The following NRXN3 variants were observed in gnomAD, a reference collection of about 807,000 sequenced individuals.
The protein encoded by NRXN3 is neurexin 3, also known as neurexin III.
Under a neutral mutation model 137.6 loss-of-function variants are expected in NRXN3, and 32 were observed. The ratio of observed to expected loss-of-function variants is 0.23; its 90% CI spans 0.18 to 0.31. NRXN3 has a LOEUF of 0.31. Among genes scored for constraint, NRXN3 ranks in the 10% least tolerant of loss-of-function variants. The probability of loss-of-function intolerance (pLI) is 1.00; values close to 1 mark genes in which losing one functional copy is unlikely to be tolerated. For missense variants in NRXN3, 1,574 were observed against 2,062.5 expected (o/e 0.76, Z 4.59); for synonymous variants, 798 against 784.5 (o/e 1.02, Z -0.29).
intron 4 of NRXN3, among the ~76,000 whole-genome samples, chr14:78,567,422 G>A (rs897572363): frequency 6.6e-6 from 1 of 152,192 alleles, no homozygotes; most frequent in Non-Finnish European, 1.5e-5. Flanking sequence ...TGGCTGTGGG[G>A]TCGCCCTGCT....
At chr14:78,197,913 G>C (rs1363959366) in intron 1 of NRXN3, among the ~76,000 whole-genome samples, 2 of 152,132 alleles carry the variant, frequency 1.3e-5, no homozygotes, top group Non-Finnish European at 2.9e-5. Flanking sequence ...CCTTGATTGA[G>C]TCCTGCCTGT....
intron 17 of NRXN3, among the ~76,000 whole-genome samples, chr14:79,664,504 C>G (rs1011198598): frequency 6.6e-6 from 1 of 152,110 alleles, no homozygotes; most frequent in African/African-American, 2.4e-5. Flanking sequence ...CTAAGCCTGC[C>G]TGGATATTCA....
At chr14:78,484,721 G>A (rs1342434596) in intron 4 of NRXN3, among the ~76,000 whole-genome samples, 1 of 152,184 alleles carries the variant, frequency 6.6e-6, no homozygotes. Flanking sequence ...AAGCATACCA[G>A]TGATCTGGTG....
chr14:79,207,969 G>A (rs575589704), intron 15 of NRXN3, among the ~76,000 whole-genome samples: 2 of 152,136 alleles, frequency 1.3e-5, no homozygotes, highest in African/African-American at 2.4e-5. Context: ...AGTAGGTAAC[G>A]TTATTATTCC....
chr14:79,616,140 T>C (rs551615210), intron 16 of NRXN3, among the ~76,000 whole-genome samples: 1 of 152,208 alleles, frequency 6.6e-6, no homozygotes, highest in South Asian at 2.1e-4. Context: ...CAGATTTGCA[T>C]TTTAGAAATA....
rs143836337 is a variant in NRXN3, at chr14:79,337,850, G to T, written c.3263-129371G>T. Among the ~76,000 whole-genome samples the T allele has an allele frequency of 2.6e-4, 40 of 152,180 alleles. 1 individual carries two copies. The East Asian group carries it at 5.0e-3, about 19-fold the overall frequency. Reference sequence around the variant, plus strand: ...GTCAGGTTTTTCATACCGTATTACTGGTTTGTTATGTGTCTTTAAATAAAT... The same window carrying T: ...GTCAGGTTTTTCATACCGTATTACTTGTTTGTTATGTGTCTTTAAATAAAT... On this transcript the variant is annotated intron_variant, in intron 15 of 20. Coordinates refer to ENST00000335750, the MANE Select transcript of NRXN3 (RefSeq NM_001330195.2).
chr14:78,292,877 G>T (rs944963853), intron 3 of NRXN3, among the ~76,000 whole-genome samples: 3 of 152,114 alleles, frequency 2.0e-5, no homozygotes, highest in African/African-American at 7.2e-5. Context: ...TTGTCCTAGG[G>T]CTGGCAGTGT....
intron 10 of NRXN3, among the ~76,000 whole-genome samples, chr14:78,834,482 A>T (rs182789620): frequency 6.6e-6 from 1 of 152,260 alleles, no homozygotes; most frequent in East Asian, 1.9e-4. Flanking sequence ...CTGAAGCAAA[A>T]AGTTGCATTA....
At chr14:79,116,283 A>G (rs1219103300) in intron 15 of NRXN3, among the ~76,000 whole-genome samples, 2 of 152,168 alleles carry the variant, frequency 1.3e-5, no homozygotes, top group Non-Finnish European at 2.9e-5. Flanking sequence ...ACAGCCGGCT[A>G]ATGGATGGAG....
At chr14:78,496,066 T>C (rs141834472) in intron 4 of NRXN3, among the ~76,000 whole-genome samples, 1 of 152,194 alleles carries the variant, frequency 6.6e-6, no homozygotes, top group African/African-American at 2.4e-5. Context: ...TTGAAGAAAA[T>C]GGAGGGACAA....
At chr14:79,701,968 T>G (rs1370353188) in intron 19 of NRXN3, among the ~76,000 whole-genome samples, 1 of 152,068 alleles carries the variant, frequency 6.6e-6, no homozygotes, top group East Asian at 1.9e-4. Context: ...TTTCCCACAA[T>G]TGGTGTATTA....
intron 4 of NRXN3, among the ~76,000 whole-genome samples, chr14:78,436,985 T>G (rs761134999): frequency 2.8e-4 from 42 of 152,228 alleles, no homozygotes; most frequent in Non-Finnish European, 5.3e-4. Flanking sequence ...AACCCAGCTC[T>G]GCTATTTGTT....
chr14:78,320,389 G>A (rs943803391), intron 4 of NRXN3, among the ~76,000 whole-genome samples: 5 of 152,164 alleles, frequency 3.3e-5, no homozygotes, highest in African/African-American at 9.7e-5. Context: ...TGGAGTGGGC[G>A]TTAATCTCCT....
chr14:79,411,353 A>G (rs1233270816), intron 15 of NRXN3, among the ~76,000 whole-genome samples: 1 of 152,138 alleles, frequency 6.6e-6, no homozygotes, highest in Non-Finnish European at 1.5e-5. Flanking sequence ...GTGCTGTCTA[A>G]GTCCTCACAG....
intron 19 of NRXN3, among the ~76,000 whole-genome samples, chr14:79,773,148 G>A (rs2139852954): frequency 1.3e-5 from 2 of 152,250 alleles, no homozygotes; most frequent in Non-Finnish European, 2.9e-5. Context: ...GAGAAGATGT[G>A]GAGAAATAGG....
chr14:79,519,768 C>CTT (rs200757761), intron 16 of NRXN3, among the ~76,000 whole-genome samples: 1,521 of 119,316 alleles, frequency 0.013, 27 homozygotes, highest in South Asian at 0.033. Context: ...AATAGTATTT[C>CTT]TTTTTTTTTT....
chr14:78,400,546 A>C (rs757092592), intron 4 of NRXN3, among the ~76,000 whole-genome samples: 1 of 152,210 alleles, frequency 6.6e-6, no homozygotes, highest in Non-Finnish European at 1.5e-5. Flanking sequence ...GGGCCTGAGA[A>C]TCCTCAAGGG....
chr14:78,402,951 C>A (rs1361629907), intron 4 of NRXN3, among the ~76,000 whole-genome samples: 1 of 152,120 alleles, frequency 6.6e-6, no homozygotes, highest in African/African-American at 2.4e-5. Flanking sequence ...TGGGTAACAA[C>A]TGAGTCTATA....
intron 4 of NRXN3, among the ~76,000 whole-genome samples, chr14:78,475,650 CAA>C (rs2095365817): frequency 1.3e-5 from 2 of 152,156 alleles, no homozygotes; most frequent in East Asian, 1.9e-4. Context: ...ACAGGGCAGA[CAA>C]AGAGTATTTC....
Sources: allele counts gnomAD v4.1 joint callset (sites outside exome capture counted in the v4.1 genomes callset), GRCh38; gene constraint gnomAD v4.1.1; transcripts MANE v1.5; gene names NCBI Gene and HGNC (gene_info 2026-07-23, HGNC 2026-07-21).